EMSY: variants seen among roughly 807,000 people sequenced by gnomAD.
EMSY encodes EMSY transcriptional repressor, BRCA2 interacting, also known as BRCA2-interacting transcriptional repressor EMSY.
A neutral mutation model predicts 134.6 loss-of-function variants in EMSY; 26 were observed. That is an observed-to-expected ratio of 0.19 (90% CI 0.14 to 0.27). The LOEUF (loss-of-function observed/expected upper bound fraction) is 0.27. EMSY is among the 10% of genes least tolerant of loss of function. The pLI, the probability that EMSY is intolerant of heterozygous loss-of-function variation, is 1.00. For missense variants in EMSY, 1,305 were observed against 1,611.4 expected (o/e 0.81, Z 3.26); for synonymous variants, 579 against 577.8 (o/e 1.00, Z -0.03).
At chr11:76,517,217 A>T (rs1950479649) in intron 11 of EMSY, among the ~76,000 whole-genome samples, 3 of 152,154 alleles carry the variant, frequency 2.0e-5, no homozygotes, top group Admixed American at 2.0e-4. Flanking sequence ...GGGAGTGAAA[A>T]AAAAAGCAAA....
At chr11:76,542,171 C>T (rs372396070) in intron 17 of EMSY, 45 bp from the exon 19 acceptor site, 95 of 1,605,264 alleles carry the variant, frequency 5.9e-5, no homozygotes, top group Non-Finnish European at 7.8e-5. Flanking sequence ...GTTACAGATG[C>T]TGTGGTGATT....
intron 8 of EMSY, among the ~76,000 whole-genome samples, chr11:76,486,675 T>C (rs1949196013): frequency 6.6e-6 from 1 of 152,098 alleles, no homozygotes. Flanking sequence ...TGCAAAAAAA[T>C]ATACCTTCAG....
intron 2 of EMSY, among the ~76,000 whole-genome samples, chr11:76,449,728 C>G (rs542325553): frequency 6.6e-6 from 1 of 152,258 alleles, no homozygotes; most frequent in South Asian, 2.1e-4. Context: ...CCACAAACTA[C>G]TTTTCCATTT....
At chr11:76,469,291 G>T (rs947120380) in intron 7 of EMSY, among the ~76,000 whole-genome samples, 1 of 152,172 alleles carries the variant, frequency 6.6e-6, no homozygotes, top group Non-Finnish European at 1.5e-5. Flanking sequence ...AAGCCTTGGT[G>T]AATTCTTATC....
At chr11:76,537,875 G>A (rs373029212) in exon 16 of EMSY, 5 of 1,613,588 alleles carry the variant, frequency 3.1e-6, no homozygotes, top group African/African-American at 2.7e-5. Flanking sequence ...GATGACCCAG[G>A]AAAAGAGACA....
chr11:76,478,249 A>G (rs748931222), intron 8 of EMSY, among the ~76,000 whole-genome samples: 3 of 152,188 alleles, frequency 2.0e-5, no homozygotes, highest in South Asian at 2.1e-4. Flanking sequence ...TAGGAGAACA[A>G]TAGAGAACAA....
intron 9 of EMSY, among the ~76,000 whole-genome samples, chr11:76,508,334 G>T (rs1000470570): frequency 1.4e-5 from 2 of 141,020 alleles, no homozygotes; most frequent in African/African-American, 5.1e-5. Flanking sequence ...GTAATATTTT[G>T]AAAGGAATCT....
intron 7 of EMSY, 31 bp from the exon 9 acceptor site, chr11:76,472,533 A>T (rs1331804809): frequency 6.3e-7 from 1 of 1,583,578 alleles, no homozygotes; most frequent in African/African-American, 1.3e-5. Flanking sequence ...TTTAGTAGGT[A>T]CATAAAAATA....
chr11:76,468,135 T>A (rs1948432459), intron 7 of EMSY, among the ~76,000 whole-genome samples: 1 of 152,194 alleles, frequency 6.6e-6, no homozygotes, highest in Admixed American at 6.5e-5. Context: ...GAACTTTTTT[T>A]AAGTTCATTG....
At chr11:76,526,373 C>T (rs1174172781) in intron 12 of EMSY, 89 bp from the exon 14 acceptor site, 1 of 938,620 alleles carries the variant, frequency 1.1e-6, no homozygotes, top group African/African-American at 1.7e-5. Flanking sequence ...TTTTCATCAT[C>T]CTGGTAAAAC....
chr11:76,454,466 A>G (rs899821571), intron 4 of EMSY, among the ~76,000 whole-genome samples: 5 of 152,090 alleles, frequency 3.3e-5, no homozygotes, highest in Non-Finnish European at 7.4e-5. Flanking sequence ...ATATTAGTCA[A>G]TGTGTTCCTT....
chr11:76,528,954 C>T (rs1184646988), intron 14 of EMSY, among the ~76,000 whole-genome samples: 1 of 152,100 alleles, frequency 6.6e-6, no homozygotes, highest in South Asian at 2.1e-4. Context: ...TTATGTTGTT[C>T]TGGCACAATT....
chr11:76,448,215 T>C (rs554323412), intron 2 of EMSY, among the ~76,000 whole-genome samples: 14 of 152,350 alleles, frequency 9.2e-5, no homozygotes, highest in Non-Finnish European at 1.6e-4. Flanking sequence ...TGGCCCTGCC[T>C]GTCCTTTTTA....
At chr11:76,467,373 A>G (rs1948393079) in intron 7 of EMSY, among the ~76,000 whole-genome samples, 1 of 152,216 alleles carries the variant, frequency 6.6e-6, no homozygotes, top group African/African-American at 2.4e-5. Context: ...AGTAAAGCAA[A>G]GCTGTAGCTA....
At chr11:76,489,315 C>CTTTT in intron 8 of EMSY, among the ~76,000 whole-genome samples, 1 of 128,170 alleles carries the variant, frequency 7.8e-6, no homozygotes, top group Non-Finnish European at 1.7e-5. Flanking sequence ...TTCTTGTTTT[C>CTTTT]TTTTTTTTTT....
chr11:76,496,702 C>T, intron 9 of EMSY: 1 of 572,280 alleles, frequency 1.7e-6, no homozygotes, highest in South Asian at 1.8e-5. Context: ...ATTTCAATGT[C>T]TACATGTTTT....
intron 11 of EMSY, 99 bp from the exon 13 acceptor site, chr11:76,523,056 G>A (rs1950702751): frequency 3.4e-6 from 4 of 1,189,156 alleles, no homozygotes; most frequent in Non-Finnish European, 4.6e-6. Context: ...ATCTAGGAAT[G>A]ACATTTACTA....
intron 8 of EMSY, among the ~76,000 whole-genome samples, chr11:76,492,198 G>A (rs1430229371): frequency 6.6e-6 from 1 of 152,142 alleles, no homozygotes; most frequent in Admixed American, 6.5e-5. Context: ...TTCTGGCTGG[G>A]CGCAGTGGCT....
chr11:76,507,737 T>C (rs917269829), intron 9 of EMSY, among the ~76,000 whole-genome samples: 4 of 152,224 alleles, frequency 2.6e-5, no homozygotes, highest in African/African-American at 9.6e-5. Flanking sequence ...GATTCAAAAA[T>C]GTTCTGAATG....
Sources: allele counts gnomAD v4.1 joint callset (sites outside exome capture counted in the v4.1 genomes callset), GRCh38; gene constraint gnomAD v4.1.1; transcripts MANE v1.5; gene names NCBI Gene and HGNC (gene_info 2026-07-23, HGNC 2026-07-21).